DNAH6: variants seen among roughly 807,000 people sequenced by gnomAD.
The protein encoded by DNAH6 is axonemal beta dynein heavy chain 6.
Under a neutral mutation model 491.4 loss-of-function variants are expected in DNAH6, and 340 were observed. That is an observed-to-expected ratio of 0.69 (90% CI 0.63 to 0.76). The LOEUF (loss-of-function observed/expected upper bound fraction) is 0.76, where lower values mean the gene tolerates loss of function less well. Among genes scored for constraint, DNAH6 ranks in the 30% least tolerant of loss-of-function variants. DNAH6 has a pLI of 0.00. For missense variants in DNAH6, 4,443 were observed against 4,972.2 expected (o/e 0.89, Z 3.20); for synonymous variants, 1,603 against 1,686.1 (o/e 0.95, Z 1.21).
chr2:84,810,060 C>A (rs1679815191), intron 72 of DNAH6, among the ~76,000 whole-genome samples: 1 of 152,120 alleles, frequency 6.6e-6, no homozygotes, highest in South Asian at 2.1e-4. Context: ...TGAACTTTCA[C>A]CCACTTGAAT....
Position 84,706,973 on chromosome 2 carries a change from C to T in DNAH6, c.8805C>T (p.Ala2935=). 6.5e-7 allele frequency: 1 copy of T among 1,539,128 alleles called. No individual in the cohort carries two copies. Among genetic ancestry groups the T allele is most frequent in the Non-Finnish European group, 8.7e-7 (1 of 1,144,504 alleles). The stretch of plus-strand genomic sequence containing the variant: ...GACAAGTAGAAGATCAAATACAGGC[C>T]TTACAAGATGAATATGACAAAGGTG... ...LLRQVEDQIQ[A]LQDEYDKGVN... is the part of the protein sequence containing the mutation. Residue 2935 remains alanine, a synonymous_variant, in exon 53 of 77, where the codon GCC becomes GCT. Transcript: ENST00000389394.
chr2:84,679,415 G>T (rs1693561299), intron 41 of DNAH6, among the ~76,000 whole-genome samples: 1 of 152,150 alleles, frequency 6.6e-6, no homozygotes. Flanking sequence ...GCCAAAATAT[G>T]CATCACTATA....
intron 20 of DNAH6, among the ~76,000 whole-genome samples, chr2:84,606,717 A>G (rs1685807733): frequency 6.6e-6 from 1 of 152,172 alleles, no homozygotes; most frequent in African/African-American, 2.4e-5. Context: ...CAAACCAAAC[A>G]AAAACTTGTG....
chr2:84,739,731 T>G (rs1672336164), intron 62 of DNAH6, among the ~76,000 whole-genome samples: 1 of 152,242 alleles, frequency 6.6e-6, no homozygotes, highest in Non-Finnish European at 1.5e-5. Context: ...CTATGTTGTC[T>G]TTCATATCTT....
intron 61 of DNAH6, among the ~76,000 whole-genome samples, chr2:84,729,544 AAC>A (rs1283043575): frequency 6.6e-6 from 1 of 152,200 alleles, no homozygotes; most frequent in Admixed American, 6.5e-5. Flanking sequence ...AATAATGCAT[AAC>A]ACAGTCTGAT....
At chr2:84,482,870 G>A in the DNAH6 span, among the ~76,000 whole-genome samples, 3 of 152,162 alleles carry the variant, frequency 2.0e-5, no homozygotes, top group Non-Finnish European at 4.4e-5. Context: ...TTCAAGCCCT[G>A]AGGAGGAGAC....
intron 22 of DNAH6, among the ~76,000 whole-genome samples, chr2:84,616,287 C>G (rs1006208048): frequency 9.2e-5 from 14 of 151,940 alleles, no homozygotes; most frequent in Non-Finnish European, 1.9e-4. Context: ...GTATTGAAGT[C>G]CCCCACTATT....
intron 61 of DNAH6, among the ~76,000 whole-genome samples, chr2:84,729,283 G>A (rs1383274029): frequency 6.6e-6 from 1 of 152,090 alleles, no homozygotes; most frequent in Non-Finnish European, 1.5e-5. Flanking sequence ...AGATAGTTAG[G>A]CACAGAAAGG....
intron 70 of DNAH6, among the ~76,000 whole-genome samples, chr2:84,804,142 G>T (rs1449063575): frequency 6.6e-6 from 1 of 150,674 alleles, no homozygotes; most frequent in Non-Finnish European, 1.5e-5. Context: ...GGAGGCAGAG[G>T]TTGCAGTGAG....
intron 28 of DNAH6, 130 bp from the exon 29 acceptor site, chr2:84,624,772 G>T (rs763969633): frequency 1.1e-5 from 14 of 1,229,838 alleles, no homozygotes; most frequent in Non-Finnish European, 1.6e-5. Flanking sequence ...TATGTGCATG[G>T]ATCTTTTGGT....
At chr2:84,810,951 A>G (rs1679910342) in intron 72 of DNAH6, among the ~76,000 whole-genome samples, 1 of 151,984 alleles carries the variant, frequency 6.6e-6, no homozygotes, top group Admixed American at 6.6e-5. Flanking sequence ...CTCCACCTCT[A>G]TCATTTTTTG....
At chr2:84,465,231 A>C in the DNAH6 span, among the ~76,000 whole-genome samples, 1 of 152,172 alleles carries the variant, frequency 6.6e-6, no homozygotes, top group Non-Finnish European at 1.5e-5. Context: ...CGTGGTGGCT[A>C]ACGCCTGTAA....
At chr2:84,557,594 G>A (rs2104596288) in intron 10 of DNAH6, 141 bp from the exon 11 acceptor site, 1 of 197,884 alleles carries the variant, frequency 5.1e-6, no homozygotes. Context: ...AGCTTGCAGT[G>A]AGCCGAGATT....
chr2:84,562,832 C>G (rs1680811335), intron 11 of DNAH6, among the ~76,000 whole-genome samples: 1 of 152,128 alleles, frequency 6.6e-6, no homozygotes, highest in African/African-American at 2.4e-5. Flanking sequence ...TATTTGAGGA[C>G]TGTCTTCTTT....
intron 50 of DNAH6, 92 bp from the exon 51 acceptor site, chr2:84,703,975 A>G: frequency 1.0e-6 from 1 of 966,010 alleles, no homozygotes; most frequent in Non-Finnish European, 1.5e-6. Flanking sequence ...TTCTAATCCA[A>G]AGGGCAAATA....
intron 37 of DNAH6, among the ~76,000 whole-genome samples, chr2:84,664,785 C>A (rs1691908363): frequency 6.6e-6 from 1 of 152,226 alleles, no homozygotes; most frequent in African/African-American, 2.4e-5. Context: ...CCCAAATCAA[C>A]AGAATATACA....
Position 84,801,277 on chromosome 2 carries a change from A to G in DNAH6, c.11481+3619A>G, listed in dbSNP as rs541074086. Among the ~76,000 whole-genome samples the G allele has an allele frequency of 9.9e-5, 15 of 151,908 alleles. No individual in the cohort carries two copies. In the East Asian group the frequency reaches 2.5e-3, roughly 25 times the overall value. Reference sequence around the variant, plus strand: ...AAAAAGAAAAAGAAAAAGAAAAAAAAAAAAAAGAAAGTAAGCAACTGGAAA... The same window carrying G: ...AAAAAGAAAAAGAAAAAGAAAAAAAGAAAAAAGAAAGTAAGCAACTGGAAA... On this transcript the variant is annotated intron_variant, in intron 70 of 76. Coordinates refer to ENST00000389394, the MANE Select transcript of DNAH6 (RefSeq NM_001370.2).
At chr2:84,479,071 C>T in the DNAH6 span, among the ~76,000 whole-genome samples, 1 of 152,192 alleles carries the variant, frequency 6.6e-6, no homozygotes, top group Non-Finnish European at 1.5e-5. Context: ...TGATGCTACG[C>T]CATCAAGCTG....
the DNAH6 span, among the ~76,000 whole-genome samples, chr2:84,470,518 T>C: frequency 2.0e-5 from 3 of 152,196 alleles, no homozygotes; most frequent in Non-Finnish European, 4.4e-5. Context: ...GACATCACCA[T>C]GGCATTTGTA....
Sources: gnomAD v4.1 joint callset for allele counts (sites outside exome capture counted in the v4.1 genomes callset) on GRCh38, gnomAD v4.1.1 for gene constraint, MANE v1.5 for transcripts, NCBI Gene and HGNC (gene_info 2026-07-23, HGNC 2026-07-21) for gene names.